The following NCALD variants were observed in gnomAD, a reference collection of about 807,000 sequenced individuals.
NCALD encodes the protein neurocalcin-delta.
NCALD carries 10 observed loss-of-function variants against 18.6 expected under a neutral mutation model. The observed-to-expected ratio is 0.54, with a 90% CI of 0.33 to 0.91. The LOEUF (loss-of-function observed/expected upper bound fraction) is 0.91. Among genes scored for constraint, NCALD ranks in the 40% least tolerant of loss-of-function variants. NCALD has a pLI of 0.03. For synonymous variants in NCALD, 88 were observed against 87.4 expected (o/e 1.01, Z -0.04); for missense variants, 184 against 247.6 (o/e 0.74, Z 1.72).
intron 1 of NCALD, among the ~76,000 whole-genome samples, chr8:102,071,076 G>C (rs1352396963): frequency 6.6e-6 from 1 of 152,104 alleles, no homozygotes; most frequent in Non-Finnish European, 1.5e-5. Context: ...CATCTGCTCT[G>C]TGCTATCCTG....
chr8:101,730,479 C>CAAA (rs869241027), intron 1 of NCALD, among the ~76,000 whole-genome samples: 12,183 of 43,572 alleles, frequency 0.28, 2,609 homozygotes, highest in East Asian at 0.38. Flanking sequence ...GACTCCATCT[C>CAAA]AAAAAAAAAA....
intron 3 of NCALD, among the ~76,000 whole-genome samples, chr8:101,891,568 A>G (rs1301466613): frequency 1.3e-5 from 2 of 152,364 alleles, no homozygotes; most frequent in East Asian, 3.9e-4. Context: ...GCGACGCAGA[A>G]GACGGGTGAT....
chr8:101,860,839 CAG>C lies in NCALD; in HGVS notation c.-20+26300_-20+26301del, dbSNP rs1431705144. Among the ~76,000 whole-genome samples, 3 of 152,050 alleles carry C rather than the reference CAG, an allele frequency of 2.0e-5. No individual in the cohort carries two copies. The East Asian group carries it at 5.8e-4, about 29-fold the overall frequency. ...AAAAATCGAGAAACAGCAGTATATGCAGACTGTTTAGAAATATGGAGGCAGTG... is the reference window on the plus strand; with the variant it reads ...AAAAATCGAGAAACAGCAGTATATGCACTGTTTAGAAATATGGAGGCAGTG... On this transcript the variant is annotated intron_variant, in intron 4 of 6. Transcript: ENST00000311028.
At chr8:101,796,602 GAGAC>G (rs1341656698) in intron 4 of NCALD, among the ~76,000 whole-genome samples, 1 of 152,106 alleles carries the variant, frequency 6.6e-6, no homozygotes, top group East Asian at 1.9e-4. Context: ...ACTAATGAAA[GAGAC>G]AGATCAGCAG....
intron 2 of NCALD, among the ~76,000 whole-genome samples, chr8:101,703,262 T>C (rs1342249980): frequency 6.6e-6 from 1 of 152,230 alleles, no homozygotes; most frequent in East Asian, 1.9e-4. Flanking sequence ...GATATTGTCT[T>C]ATTCATCTTT....
chr8:101,862,094 C>T (rs1411113123), intron 4 of NCALD, among the ~76,000 whole-genome samples: 7 of 152,164 alleles, frequency 4.6e-5, no homozygotes, highest in Admixed American at 1.3e-4. Context: ...ATGATACCAC[C>T]AAGTATTCAT....
In NCALD at chr8:101,689,131, T is replaced by C; in HGVS notation, c.*178A>G. 1 of 711,274 alleles carries C rather than the reference T, an allele frequency of 1.4e-6. No individual in the cohort carries two copies. The highest frequency in any genetic ancestry group is 2.6e-6 in the Non-Finnish European group (1 of 391,660). The allele number at this position is 711,274 out of a possible 1,614,324, so 44.1% of individuals were successfully genotyped here. On this transcript the variant is annotated 3_prime_UTR_variant, in exon 4 of 4. Coordinates refer to ENST00000220931, the MANE Select transcript of NCALD (RefSeq NM_032041.3). This position sits in a 1 kb window ranked among gnomAD's most constrained non-coding sequence, Gnocchi z 4.4. ...CACAAGCACACTGGGGCTCTGGGCA[T>C]TCCCACGAAGCATCCACGACAAAAG...
At chr8:101,703,466 T>C (rs940427333) in intron 2 of NCALD, among the ~76,000 whole-genome samples, 7 of 152,156 alleles carry the variant, frequency 4.6e-5, no homozygotes, top group South Asian at 2.1e-4. Flanking sequence ...CTGGCCAAGA[T>C]AGAGTCACAG....
chr8:101,888,056 T>G (rs1586696359), intron 3 of NCALD, among the ~76,000 whole-genome samples: 1 of 152,078 alleles, frequency 6.6e-6, no homozygotes, highest in Non-Finnish European at 1.5e-5. Flanking sequence ...AGTTCTGAGG[T>G]CATTCTGAGG....
intron 1 of NCALD, among the ~76,000 whole-genome samples, chr8:102,097,675 C>T (rs550145753): frequency 1.0e-3 from 158 of 152,304 alleles, no homozygotes; most frequent in African/African-American, 3.7e-3. Flanking sequence ...TCAAAAGTAC[C>T]TCCTTATACA....
chr8:102,083,653 C>A (rs192567921), intron 1 of NCALD, among the ~76,000 whole-genome samples: 1 of 152,346 alleles, frequency 6.6e-6, no homozygotes, highest in Non-Finnish European at 1.5e-5. Context: ...TCCAAGTAGG[C>A]ACTCTCAACT....
intron 2 of NCALD, among the ~76,000 whole-genome samples, chr8:101,704,375 G>T (rs1334536215): frequency 6.6e-6 from 1 of 152,120 alleles, no homozygotes; most frequent in African/African-American, 2.4e-5. Context: ...ATAGGACTGG[G>T]GTGTGGGGGG....
At chr8:102,060,225 C>T (rs1283178792) in intron 1 of NCALD, among the ~76,000 whole-genome samples, 1 of 131,254 alleles carries the variant, frequency 7.6e-6, no homozygotes, top group African/African-American at 3.8e-5. Context: ...TTGTGATCTG[C>T]CCGCCTTGGC....
In NCALD at chr8:102,060,962, G is replaced by A. The variant is rs368957680; in HGVS notation, c.-209-40673C>T. Among the ~76,000 whole-genome samples, 154 of 152,226 alleles carry A rather than the reference G, an allele frequency of 1.0e-3. 4 individuals carry two copies. The South Asian group carries it at 0.028, about 28-fold the overall frequency. On this transcript the variant is annotated intron_variant, in intron 1 of 6. Transcript: ENST00000311028. ...ATCTGGAAACAAAGCGACAAAAGCC[G>A]CTTTTCCTCATTTTCCACCATTTAG...
chr8:101,978,104 T>C (rs1455910052), intron 2 of NCALD, among the ~76,000 whole-genome samples: 1 of 152,050 alleles, frequency 6.6e-6, no homozygotes, highest in Non-Finnish European at 1.5e-5. Context: ...ATATAAATAT[T>C]GTGCCCACCC....
chr8:101,754,245 G>T (rs150479536), intron 1 of NCALD, among the ~76,000 whole-genome samples: 4 of 152,216 alleles, frequency 2.6e-5, no homozygotes, highest in African/African-American at 9.6e-5. Context: ...GGCTTTTTCT[G>T]TATGTTGGAA....
intron 1 of NCALD, among the ~76,000 whole-genome samples, chr8:102,095,722 T>C (rs1395121630): frequency 6.6e-6 from 1 of 152,126 alleles, no homozygotes; most frequent in Non-Finnish European, 1.5e-5. Context: ...ATAATGGAAG[T>C]GAAAGGTATC....
chr8:101,689,114 C>T lies in NCALD; in HGVS notation c.*195G>A, dbSNP rs893839114. On this transcript the variant is annotated 3_prime_UTR_variant, in exon 4 of 4. Coordinates refer to ENST00000220931, the MANE Select transcript of NCALD (RefSeq NM_032041.3). The surrounding 1 kb of genome is among the most constrained non-coding windows in gnomAD (Gnocchi z 4.4). The stretch of plus-strand genomic sequence containing the variant: ...AGTCTGTCCATGCTCTCCACAAGCA[C>T]ACTGGGGCTCTGGGCATTCCCACGA... 1.7e-5 allele frequency: 12 copies of T among 705,140 alleles called. No individual in the cohort carries two copies. The highest frequency in any genetic ancestry group is 3.1e-5 in the Non-Finnish European group (12 of 386,524). The allele number at this position is 705,140 out of a possible 1,614,324, so 43.7% of individuals were successfully genotyped here.
chr8:101,730,908 A>G (rs573708048), intron 1 of NCALD, among the ~76,000 whole-genome samples: 1 of 152,362 alleles, frequency 6.6e-6, no homozygotes, highest in South Asian at 2.1e-4. Context: ...GGCAATAGAC[A>G]TACAATAAAC....
Sources: gnomAD v4.1 joint callset for allele counts (sites outside exome capture counted in the v4.1 genomes callset) on GRCh38, gnomAD v4.1.1 for gene constraint, Gnocchi (gnomAD v3.1) non-coding constraint, MANE v1.5 for transcripts, NCBI Gene and HGNC (gene_info 2026-07-23, HGNC 2026-07-21) for gene names.